Variants in EML5 observed in about 807,000 individuals in gnomAD.
The protein encoded by EML5 is EMAP like 5, also known as echinoderm microtubule-associated protein-like 5.
EML5 carries 120 observed loss-of-function variants against 250.0 expected under a neutral mutation model. The observed-to-expected ratio is 0.48, with a 90% confidence interval of 0.41 to 0.56. The LOEUF (loss-of-function observed/expected upper bound fraction) is 0.56. Among genes scored for constraint, EML5 ranks in the 20% least tolerant of loss-of-function variants. The pLI, the probability that EML5 is intolerant of heterozygous loss-of-function variation, is 0.00. For synonymous variants in EML5, 771 were observed against 806.5 expected, an observed-to-expected ratio of 0.96 and a Z score of 0.75; for missense variants, 2,006 against 2,437.6, an observed-to-expected ratio of 0.82 and a Z score of 3.73.
Position 88,661,909 on chromosome 14 carries a change from T to C in EML5, c.3499-79A>G, listed in dbSNP as rs1262342294. ...ACAACCAAAATGTAAACATTTTTCT[T>C]TGTAGTTATGTGTGTCACAAGTAAA... On this transcript the variant is annotated intron_variant, in intron 24 of 43. Transcript: ENST00000554922. 4.7e-6 allele frequency: 6 copies of C among 1,288,354 alleles called. No individual in the cohort carries two copies. The African/African-American group carries it at 8.9e-5, about 19-fold the overall frequency. 79.8% of individuals were successfully genotyped at this position (1,288,354 alleles called of 1,614,324 possible).
At position 88,620,632 on chromosome 14, in the gene EML5, T is replaced by C. The variant is rs1340214641; in HGVS notation, c.5375+122A>G. On this transcript the variant is annotated intron_variant, in intron 39 of 43. Transcript: ENST00000554922. This position sits in a 1 kb window ranked among gnomAD's most constrained non-coding sequence, Gnocchi z 4.3. ...AACAGCCATATTTTAGCATACAATT[T>C]ATAATACGGGAAATGCTACAGGCCC... is the stretch of plus-strand genomic sequence containing the variant. 1 of 781,096 alleles carries C rather than the reference T, an allele frequency of 1.3e-6. No homozygotes were observed. Among genetic ancestry groups the C allele is most frequent in the Non-Finnish European group, 1.9e-6 (1 of 537,456 alleles). The allele number at this position is 781,096 out of a possible 1,614,324, so 48.4% of individuals were successfully genotyped here. A position where few individuals can be genotyped will look rare whatever the true frequency, so the allele number is the denominator to read the frequency against.
intron 10 of EML5, among the ~76,000 whole-genome samples, chr14:88,707,810 AG>A (rs1487828501): frequency 1.3e-5 from 2 of 152,164 alleles, no homozygotes; most frequent in Non-Finnish European, 2.9e-5. Flanking sequence ...AAGTCCTATG[AG>A]GTAAGGGCTC....
At chr14:88,756,879 A>C (rs1194516814) in intron 1 of EML5, among the ~76,000 whole-genome samples, 1 of 152,224 alleles carries the variant, frequency 6.6e-6, no homozygotes, top group Non-Finnish European at 1.5e-5. Context: ...GAGGAATGTA[A>C]TATTTGTAAG....
At chr14:88,720,181 G>T (rs1402999583) in intron 8 of EML5, among the ~76,000 whole-genome samples, 3 of 152,118 alleles carry the variant, frequency 2.0e-5, no homozygotes, top group South Asian at 2.1e-4. Flanking sequence ...ATGACCAGAT[G>T]AATTTATAGC....
At chr14:88,726,937 T>C (rs1287967155) in intron 7 of EML5, among the ~76,000 whole-genome samples, 4 of 152,150 alleles carry the variant, frequency 2.6e-5, no homozygotes, top group Non-Finnish European at 2.9e-5. Context: ...GGCGTGATCA[T>C]AGCTTACTAT....
chr14:88,728,552 T>C (rs1272914314), intron 7 of EML5, among the ~76,000 whole-genome samples: 1 of 152,148 alleles, frequency 6.6e-6, no homozygotes, highest in East Asian at 1.9e-4. Context: ...ATATAATTGT[T>C]ATTCATTAAG....
intron 1 of EML5, among the ~76,000 whole-genome samples, chr14:88,777,624 TACA>T (rs781313338): frequency 5.3e-5 from 8 of 152,164 alleles, no homozygotes; most frequent in Non-Finnish European, 1.2e-4. Flanking sequence ...AAATAATAAC[TACA>T]ACAACTTTTT....
intron 32 of EML5, among the ~76,000 whole-genome samples, chr14:88,636,947 T>G (rs919012115): frequency 2.0e-5 from 3 of 152,100 alleles, no homozygotes; most frequent in African/African-American, 7.2e-5. Flanking sequence ...GCCCTAAAAT[T>G]CCAAGATTCT....
At position 88,756,529 on chromosome 14, in the gene EML5, T is replaced by C. The variant is rs190748450; in HGVS notation, c.198-1858A>G. ...ATAGGCCAGGAAAAGGAACAAAAAG[T>C]AAAAGTAAAGATCTCTATTGGCAGA... On this transcript the variant is annotated intron_variant, in intron 1 of 43. Transcript: ENST00000554922. Among the ~76,000 whole-genome samples the C allele has an allele frequency of 2.7e-3, 413 of 152,010 alleles. 7 individuals are homozygous for C. Among genetic ancestry groups the C allele is most frequent in the Non-Finnish European group, 2.0e-3 (136 of 67,932 alleles).
At chr14:88,726,499 C>A (rs750521418) in intron 8 of EML5, 42 bp downstream of exon 8, 3 of 1,535,272 alleles carry the variant, frequency 2.0e-6, no homozygotes, top group Non-Finnish European at 2.6e-6. Context: ...TTCTGTATCA[C>A]TGAAGATAAA....
chr14:88,675,727 T>A (rs188368510), intron 21 of EML5, among the ~76,000 whole-genome samples: 1,568 of 152,352 alleles, frequency 0.01, 14 homozygotes, highest in Non-Finnish European at 0.014. Context: ...ACAGTCAGGC[T>A]GCAAATTTCC....
At chr14:88,736,029 T>C (rs373080367) in intron 7 of EML5, among the ~76,000 whole-genome samples, 27 of 145,046 alleles carry the variant, frequency 1.9e-4, no homozygotes, top group African/African-American at 6.9e-4. Flanking sequence ...TGAGATGGAG[T>C]CTCACTCTGT....
At chr14:88,686,800 G>A (rs977441987) in intron 19 of EML5, among the ~76,000 whole-genome samples, 1 of 152,080 alleles carries the variant, frequency 6.6e-6, no homozygotes, top group African/African-American at 2.4e-5. Flanking sequence ...AGCACAGCAG[G>A]ACCCTGTCTC....
intron 20 of EML5, among the ~76,000 whole-genome samples, chr14:88,683,314 G>C (rs1352062460): frequency 2.6e-5 from 4 of 152,176 alleles, no homozygotes; most frequent in African/African-American, 9.7e-5. Flanking sequence ...CTAATCTAGG[G>C]AAGTATCCCT....
intron 11 of EML5, 73 bp from the exon 12 acceptor site, chr14:88,705,661 G>T: frequency 9.3e-7 from 1 of 1,080,202 alleles, no homozygotes; most frequent in Non-Finnish European, 1.4e-6. Flanking sequence ...AAAAATTAAT[G>T]ATTAAGAGCT....
intron 1 of EML5, among the ~76,000 whole-genome samples, chr14:88,788,626 C>T (rs940462666): frequency 2.0e-5 from 3 of 151,608 alleles, no homozygotes; most frequent in Admixed American, 6.6e-5. Flanking sequence ...AGTCAAATAA[C>T]AAAATGCCCC....
At chr14:88,656,876 T>C (rs1595395966) in intron 27 of EML5, among the ~76,000 whole-genome samples, 1 of 152,192 alleles carries the variant, frequency 6.6e-6, no homozygotes, top group East Asian at 1.9e-4. Flanking sequence ...TCCAACCTCA[T>C]CACACACATT....
chr14:88,653,215 T>C (rs1026580967), intron 27 of EML5, among the ~76,000 whole-genome samples: 1 of 152,220 alleles, frequency 6.6e-6, no homozygotes, highest in Non-Finnish European at 1.5e-5. Flanking sequence ...TAGAGTTTTC[T>C]AAATATAAAA....
At chr14:88,754,139 AT>A (rs1162709090) in intron 2 of EML5, among the ~76,000 whole-genome samples, 2 of 152,342 alleles carry the variant, frequency 1.3e-5, no homozygotes, top group East Asian at 3.9e-4. Flanking sequence ...AAATAAAAAA[AT>A]AAAATTAAAA....
Sources: allele counts gnomAD v4.1 joint callset (sites outside exome capture counted in the v4.1 genomes callset), GRCh38; gene constraint gnomAD v4.1.1; non-coding constraint Gnocchi (gnomAD v3.1); transcripts MANE v1.5; gene names NCBI Gene and HGNC (gene_info 2026-07-23, HGNC 2026-07-21).